Variants in UBAP2L observed in about 807,000 individuals in gnomAD.
UBAP2L encodes ubiquitin associated protein 2 like, also known as ubiquitin-associated protein 2-like.
A neutral mutation model predicts 130.6 loss-of-function variants in UBAP2L; 12 were observed. The observed-to-expected ratio is 0.09, with a 90% confidence interval of 0.06 to 0.15. UBAP2L has a LOEUF of 0.15. Ranked by LOEUF, UBAP2L falls within the 10% of genes least tolerant of loss-of-function variation. UBAP2L has a pLI of 1.00. For missense variants in UBAP2L, 965 were observed against 1,332.5 expected (o/e 0.72, Z 4.29); for synonymous variants, 503 against 524.7 (o/e 0.96, Z 0.57).
intron 4 of UBAP2L, among the ~76,000 whole-genome samples, chr1:154,233,639 T>G (rs1382830624): frequency 7.0e-6 from 1 of 143,424 alleles, no homozygotes; most frequent in Non-Finnish European, 1.5e-5. Context: ...CCTGATCTTT[T>G]AAATGAAATT....
At chr1:154,264,764 T>A (rs939109204) in intron 24 of UBAP2L, among the ~76,000 whole-genome samples, 2 of 152,230 alleles carry the variant, frequency 1.3e-5, no homozygotes, top group Admixed American at 6.5e-5. Flanking sequence ...TTTATTTTTT[T>A]TTTGCCTTTG....
At chr1:154,263,165 C>G (rs1259150325) in intron 24 of UBAP2L, 16 of 1,551,794 alleles carry the variant, frequency 1.0e-5, no homozygotes. Context: ...TGGCCCAAGG[C>G]TGGGGGCTGT....
chr1:154,245,459 T>A (rs952862885), intron 10 of UBAP2L, among the ~76,000 whole-genome samples: 6 of 152,128 alleles, frequency 3.9e-5, no homozygotes, highest in African/African-American at 1.4e-4. Flanking sequence ...TGGGAAAAAA[T>A]ATCTCTCAGA....
chr1:154,223,723 C>T (rs558859361), intron 1 of UBAP2L, among the ~76,000 whole-genome samples: 3 of 152,262 alleles, frequency 2.0e-5, no homozygotes, highest in African/African-American at 7.2e-5. Flanking sequence ...CCTATGCAAC[C>T]TATTGACGCA....
At position 154,253,916 on chromosome 1, in the gene UBAP2L, A is replaced by G. The variant is rs374907759; in HGVS notation, c.1681A>G (p.Ile561Val). 28 of 1,613,952 alleles carry G rather than the reference A, an allele frequency of 1.7e-5. No individual in the cohort carries two copies. The highest frequency in any genetic ancestry group is 2.2e-5 in the East Asian group (1 of 44,896). The change falls in exon 15 of 27, where the codon ATT becomes GTT. Residue 561 changes from isoleucine (I) to valine (V), a missense_variant. This residue lies in a region of UBAP2L where 393 missense variants were observed against 408.1 expected (regional missense o/e 0.96). Coordinates refer to ENST00000428931, the MANE Select transcript of UBAP2L (RefSeq NM_014847.4). The stretch of plus-strand genomic sequence containing the variant: ...TACTCACAGTGAATCATCCTCTACA[A>G]TTTCATCTAACCAGAGTCAGGAGTC... Reference protein sequence around the residue: ...TSTASESSSTISSNQSQESGY... With the variant: ...TSTASESSSTVSSNQSQESGY...
At chr1:154,226,530 T>A (rs972262073) in intron 2 of UBAP2L, among the ~76,000 whole-genome samples, 1 of 152,212 alleles carries the variant, frequency 6.6e-6, no homozygotes, top group East Asian at 1.9e-4. Flanking sequence ...TAATACTTAG[T>A]TGGGGCAGTA....
intron 26 of UBAP2L, chr1:154,269,242 T>A: frequency 1.9e-6 from 2 of 1,046,994 alleles, no homozygotes; most frequent in Non-Finnish European, 2.8e-6. Context: ...GGGTCACACC[T>A]TCCCTCTTTC....
chr1:154,263,592 CA>C, intron 24 of UBAP2L: 3 of 833,176 alleles, frequency 3.6e-6, no homozygotes, highest in Non-Finnish European at 4.3e-6. Flanking sequence ...CCTTTTTAAT[CA>C]AACCCCAGCA....
In UBAP2L at chr1:154,257,192, G is replaced by A. The variant is rs766782624; in HGVS notation, c.2287G>A (p.Gly763Ser). 6.2e-7 allele frequency: 1 copy of A among 1,614,174 alleles called. No homozygotes were observed. Among genetic ancestry groups the A allele is most frequent in the Non-Finnish European group, 8.5e-7 (1 of 1,180,042 alleles). ...CAGTCTCAATAGTGGCAGTAGCCTG[G>A]GCCTCAGCCTAGGCAGCAACTCCAC... ...SSSLNSGSSL[G>S]LSLGSNSTVT... Residue 763 changes from glycine to serine, a missense_variant, in exon 19 of 27, where the codon GGC becomes AGC. Physicochemically the swap from Gly to Ser is moderately conservative, Grantham distance 56. Coordinates refer to ENST00000428931, the MANE Select transcript of UBAP2L (RefSeq NM_014847.4).
At chr1:154,263,339 C>A (rs564745066) in intron 24 of UBAP2L, 3 of 1,423,922 alleles carry the variant, frequency 2.1e-6, no homozygotes, top group African/African-American at 1.5e-5. Context: ...CCCTCTCCCC[C>A]ATGTGTCTGA....
At chr1:154,243,523 C>T (rs1408198247) in intron 10 of UBAP2L, among the ~76,000 whole-genome samples, 8 of 151,600 alleles carry the variant, frequency 5.3e-5, no homozygotes, top group Non-Finnish European at 7.4e-5. Flanking sequence ...TGCAGTGGCA[C>T]GATTTCGGCT....
chr1:154,243,896 A>G (rs2148771918), intron 10 of UBAP2L, among the ~76,000 whole-genome samples: 2 of 152,338 alleles, frequency 1.3e-5, no homozygotes, highest in South Asian at 4.1e-4. Context: ...AGCATTGAGT[A>G]TATAACTTGT....
chr1:154,222,591 A>T (rs1666632945), intron 1 of UBAP2L, among the ~76,000 whole-genome samples: 1 of 152,314 alleles, frequency 6.6e-6, no homozygotes, highest in East Asian at 1.9e-4. Context: ...CTAGATATCA[A>T]GGTGGTGGGG....
chr1:154,260,122 A>G, intron 22 of UBAP2L, 93 bp downstream of exon 22: 1 of 1,363,178 alleles, frequency 7.3e-7, no homozygotes, highest in South Asian at 1.2e-5. Context: ...GATGTGATAA[A>G]TCAGGATTGG....
chr1:154,228,176 TTC>T (rs1484037591), intron 3 of UBAP2L, among the ~76,000 whole-genome samples: 2 of 151,922 alleles, frequency 1.3e-5, no homozygotes, highest in Non-Finnish European at 2.9e-5. Context: ...TCATTTTTCT[TTC>T]TTTCTTTTTT....
At chr1:154,226,593 A>G (rs982983361) in intron 2 of UBAP2L, among the ~76,000 whole-genome samples, 4 of 152,200 alleles carry the variant, frequency 2.6e-5, no homozygotes, top group African/African-American at 9.7e-5. Context: ...TGTTGAGTCT[A>G]TTGTCAGACT....
Position 154,263,458 on chromosome 1 carries a change from CA to C in UBAP2L, c.2902+1766del, listed in dbSNP as rs966420299. On this transcript the variant is annotated intron_variant, in intron 24 of 26. Coordinates refer to ENST00000428931, the MANE Select transcript of UBAP2L (RefSeq NM_014847.4). Reference sequence around the variant, plus strand: ...GAAGGCATGTAGTTTCAACTTGTAACAAAAATATTTGTAGTCTTCAATAAAC... The same window carrying C: ...GAAGGCATGTAGTTTCAACTTGTAACAAAATATTTGTAGTCTTCAATAAAC... 42 of 1,177,756 alleles carry C rather than the reference CA, an allele frequency of 3.6e-5. No homozygotes were observed. In the African/African-American group the frequency reaches 4.6e-4, roughly 13 times the overall value. The allele number at this position is 1,177,756 out of a possible 1,614,324, so 73.0% of individuals were successfully genotyped here. A position where few individuals can be genotyped will look rare whatever the true frequency, so the allele number is the denominator to read the frequency against.
At chr1:154,269,073 G>A (rs1425694521) in intron 26 of UBAP2L, 119 bp downstream of exon 26, 17 of 1,214,646 alleles carry the variant, frequency 1.4e-5, no homozygotes, top group Non-Finnish European at 2.0e-5. Flanking sequence ...CCTCCCCAGC[G>A]CCAGTCATGG....
At chr1:154,236,892 A>G in intron 7 of UBAP2L, 132 bp from the exon 8 acceptor site, 1 of 718,838 alleles carries the variant, frequency 1.4e-6, no homozygotes, top group East Asian at 2.7e-5. Flanking sequence ...AAAGTAGATG[A>G]CACACAGGAT....
Sources: gnomAD v4.1 joint callset for allele counts (sites outside exome capture counted in the v4.1 genomes callset) on GRCh38, gnomAD v4.1.1 for gene constraint, gnomAD v4.1.1 regional missense constraint, MANE v1.5 for transcripts, NCBI Gene and HGNC (gene_info 2026-07-23, HGNC 2026-07-21) for gene names.